The following TEX101 variants were observed in gnomAD, a reference collection of about 807,000 sequenced individuals.
TEX101 encodes testis expressed 101, also known as testis-expressed protein 101.
In TEX101, 10 loss-of-function variants were observed where a neutral mutation model predicts 18.1. The ratio of observed to expected loss-of-function variants is 0.55; its 90% CI spans 0.34 to 0.94. The LOEUF (loss-of-function observed/expected upper bound fraction) is 0.94, where lower values mean the gene tolerates loss of function less well. Among genes scored for constraint, TEX101 ranks in the 40% least tolerant of loss-of-function variants. TEX101 has a pLI of 0.02. For synonymous variants in TEX101, 94 were observed against 114.8 expected (o/e 0.82, Z 1.16); for missense variants, 259 against 298.9 (o/e 0.87, Z 0.98).
At chr19:43,407,383 G>A (rs1970376401) in intron 3 of TEX101, among the ~76,000 whole-genome samples, 1 of 152,092 alleles carries the variant, frequency 6.6e-6, no homozygotes, top group African/African-American at 2.4e-5. Flanking sequence ...TACTCGGGAG[G>A]CTGAGGCAGG....
At chr19:43,397,295 G>A (rs117038670), upstream of TEX101, among the ~76,000 whole-genome samples, 452 of 152,170 alleles carry the variant, frequency 3.0e-3, no homozygotes, top group Non-Finnish European at 5.1e-3. Flanking sequence ...ATGTGGTGCT[G>A]GCTAGTTCCT....
At chr19:43,389,473 G>T in the TEX101 span, among the ~76,000 whole-genome samples, 2 of 152,198 alleles carry the variant, frequency 1.3e-5, no homozygotes, top group Admixed American at 6.5e-5. Flanking sequence ...TGCAGGGTGT[G>T]GTTTCTGCCT....
At position 43,404,108 on chromosome 19, in the gene TEX101, C is replaced by T. The variant is rs1281740805; in HGVS notation, c.-283+1249C>T. Among the ~76,000 whole-genome samples the T allele has an allele frequency of 8.3e-5, 11 of 132,220 alleles. No homozygotes were observed. In the East Asian group the frequency reaches 2.3e-3, roughly 28 times the overall value. 86.7% of individuals were successfully genotyped at this position (132,220 alleles called of 152,430 possible). A position where few individuals can be genotyped will look rare whatever the true frequency, so the allele number is the denominator to read the frequency against. ...TTTTGGAAAAAAAAAAAGCTCTACA[C>T]ATGATTTAAGACAGGTATGTGTAAG... On this transcript the variant is annotated intron_variant, in intron 2 of 7. Coordinates refer to the TEX101 transcript ENST00000602198.
rs1480054031 is a variant in TEX101 at position 43,407,550 on chromosome 19, G to C, written c.15+1031G>C. ...AAAGCCGGAGCTGGGATTAGACCAT[G>C]TGAGACAGGTTGATTTCACGCTAGT... On this transcript the variant is annotated intron_variant, in intron 3 of 7. Coordinates refer to the TEX101 transcript ENST00000602198. Among the ~76,000 whole-genome samples, 4 of 152,254 alleles carry C rather than the reference G, an allele frequency of 2.6e-5. No individual in the cohort carries two copies. In the South Asian group the frequency reaches 6.2e-4, roughly 24 times the overall value.
the TEX101 span, among the ~76,000 whole-genome samples, chr19:43,393,248 T>C: frequency 5.9e-5 from 9 of 151,824 alleles, no homozygotes; most frequent in African/African-American, 2.2e-4. Flanking sequence ...AGACCCAGTG[T>C]GATGGAAAGA....
At chr19:43,397,038 A>C (rs942273686), upstream of TEX101, among the ~76,000 whole-genome samples, 1 of 151,770 alleles carries the variant, frequency 6.6e-6, no homozygotes, top group Non-Finnish European at 1.5e-5. Flanking sequence ...GGGTTTCACC[A>C]TGTTAGCCAG....
intron 1 of TEX101, among the ~76,000 whole-genome samples, chr19:43,402,072 C>T (rs1317878629): frequency 6.6e-6 from 1 of 152,228 alleles, no homozygotes; most frequent in Non-Finnish European, 1.5e-5. Context: ...TGCTGCTTAA[C>T]AAAAGAAAAA....
Position 43,418,454 on chromosome 19 carries a change from C to CTGT in TEX101, c.*60_*62dup. 1 of 1,463,500 alleles carries CTGT rather than the reference C, an allele frequency of 6.8e-7. No individual in the cohort carries two copies. The highest frequency in any genetic ancestry group is 9.4e-7 in the Non-Finnish European group (1 of 1,062,532). The allele number at this position is 1,463,500 out of a possible 1,614,324, so 90.7% of individuals were successfully genotyped here. ...TCTTTTTTGACTGGGAGCCTTCTTA[C>CTGT]TGTTGAGGTTCAACAAGCTGAGGAG... On this transcript the variant is annotated 3_prime_UTR_variant, in exon 6 of 6. Transcript: ENST00000598265.
chr19:43,407,693 G>A (rs572485193), intron 3 of TEX101, among the ~76,000 whole-genome samples: 59 of 152,306 alleles, frequency 3.9e-4, no homozygotes, highest in African/African-American at 1.4e-3. Flanking sequence ...GTGGGATGCT[G>A]ACTAAAGGCC....
At chr19:43,389,155 G>A in the TEX101 span, among the ~76,000 whole-genome samples, 2 of 152,180 alleles carry the variant, frequency 1.3e-5, no homozygotes, top group African/African-American at 4.8e-5. Context: ...CTCTCCAGGT[G>A]GAACACGGTA....
intron 3 of TEX101, among the ~76,000 whole-genome samples, chr19:43,406,931 GTTTTTTT>G (rs1002990799): frequency 1.1e-4 from 13 of 116,116 alleles, no homozygotes; most frequent in South Asian, 2.8e-4. Context: ...TTTGTTTTTT[GTTTTTTT>G]TTTTTTTTTT....
Position 43,416,083 on chromosome 19 carries a change from C to T in TEX101, c.65-16C>T. The T allele has an allele frequency of 6.2e-7, 1 of 1,606,102 alleles. No homozygotes were observed. Among genetic ancestry groups the T allele is most frequent in the Non-Finnish European group, 8.5e-7 (1 of 1,176,422 alleles). On this transcript the variant is annotated splice_polypyrimidine_tract_variant and intron_variant, in intron 2 of 5. Coordinates refer to ENST00000598265, the MANE Select transcript of TEX101 (RefSeq NM_001130011.3). ...CCCATGGAGAAGTGCTTATCCTTTT[C>T]TTGTTTTCTCCTCAGCGGGCCTAGA...
rs1250273231 is a variant in TEX101 at position 43,416,141 on chromosome 19, T to C, written c.107T>C (p.Val36Ala). Residue 36 changes from valine (V) to alanine (A), a missense_variant, in exon 3 of 6, where the codon GTG (valine) becomes GCG (alanine). Val to Ala is a moderately conservative substitution (Grantham distance 64). Transcript: ENST00000598265. ...TGTCAAAAGGGTCTGTCCATGACTGTGGAAGCAGATCCAGCCAATATGTTT... is the reference window on the plus strand; with the variant it reads ...TGTCAAAAGGGTCTGTCCATGACTGCGGAAGCAGATCCAGCCAATATGTTT... The part of the protein sequence containing the change: ...LYCQKGLSMT[V>A]EADPANMFNW... 2.5e-6 allele frequency: 4 copies of C among 1,613,782 alleles called. No homozygotes were observed. In the South Asian group the frequency reaches 4.4e-5, roughly 18 times the overall value.
the TEX101 span, among the ~76,000 whole-genome samples, chr19:43,393,778 A>C: frequency 2.0e-5 from 3 of 150,792 alleles, no homozygotes; most frequent in Non-Finnish European, 4.4e-5. Context: ...CCAGAGAGGA[A>C]GCTCTGCTGG....
chr19:43,413,241 C>T (rs142176378), upstream of TEX101, among the ~76,000 whole-genome samples: 1 of 152,252 alleles, frequency 6.6e-6, no homozygotes, highest in East Asian at 1.9e-4. Flanking sequence ...GGCGTGGTGG[C>T]TCATGCCTGT....
chr19:43,390,801 G>GA, the TEX101 span, among the ~76,000 whole-genome samples: 64,580 of 150,970 alleles, frequency 0.43, 14,622 homozygotes, highest in East Asian at 0.72. Flanking sequence ...CCAGTGGCAG[G>GA]AGTACATTTA....
At chr19:43,417,022 G>T (rs1050620108) in intron 4 of TEX101, among the ~76,000 whole-genome samples, 8 of 134,478 alleles carry the variant, frequency 5.9e-5, no homozygotes, top group Non-Finnish European at 9.2e-5. Context: ...CAGAGAGCAA[G>T]ACTCCATCAA....
upstream of TEX101, among the ~76,000 whole-genome samples, chr19:43,413,522 T>G (rs999173777): frequency 1.3e-5 from 2 of 151,560 alleles, no homozygotes; most frequent in African/African-American, 4.9e-5. Flanking sequence ...GGCCAAGAAT[T>G]TATTTTTCAG....
chr19:43,390,270 T>C, the TEX101 span, among the ~76,000 whole-genome samples: 7 of 152,206 alleles, frequency 4.6e-5, no homozygotes, highest in East Asian at 1.2e-3. Context: ...CCCTGTTCCC[T>C]ATGCACCCAG....
Sources: allele counts gnomAD v4.1 joint callset (sites outside exome capture counted in the v4.1 genomes callset), GRCh38; gene constraint gnomAD v4.1.1; transcripts MANE v1.5; gene names NCBI Gene and HGNC (gene_info 2026-07-23, HGNC 2026-07-21).